FSTL4: variants seen among roughly 807,000 people sequenced by gnomAD.
The protein encoded by FSTL4 is follistatin like 4, also known as follistatin-related protein 4.
A neutral mutation model predicts 78.2 loss-of-function variants in FSTL4; 28 were observed. That is an observed-to-expected ratio of 0.36 (90% confidence interval 0.27 to 0.49). FSTL4 has a LOEUF of 0.49. Ranked by LOEUF, FSTL4 falls within the 20% of genes least tolerant of loss-of-function variation. The probability of loss-of-function intolerance (pLI) is 0.98; values close to 1 mark genes in which losing one functional copy is unlikely to be tolerated. For synonymous variants in FSTL4, 422 were observed against 440.5 expected, an observed-to-expected ratio of 0.96 and a Z score of 0.53; for missense variants, 922 against 1,084.9, an observed-to-expected ratio of 0.85 and a Z score of 2.11.
At chr5:133,688,782 G>A in the FSTL4 span, among the ~76,000 whole-genome samples, 3 of 152,314 alleles carry the variant, frequency 2.0e-5, no homozygotes, top group African/African-American at 7.2e-5. Context: ...CTGATGACCT[G>A]CAAGGTGGAA....
At chr5:133,729,069 C>T in the FSTL4 span, among the ~76,000 whole-genome samples, 1 of 152,116 alleles carries the variant, frequency 6.6e-6, no homozygotes, top group Non-Finnish European at 1.5e-5. Flanking sequence ...CCAGTTCAGC[C>T]ACATGCTGAA....
upstream of FSTL4, among the ~76,000 whole-genome samples, chr5:133,615,415 T>C (rs535420201): frequency 2.6e-5 from 4 of 152,312 alleles, no homozygotes; most frequent in South Asian, 8.3e-4. Flanking sequence ...ATGGGGTCTC[T>C]CTCCCGCCTC....
chr5:133,751,525 A>T, the FSTL4 span, among the ~76,000 whole-genome samples: 1 of 152,232 alleles, frequency 6.6e-6, no homozygotes, highest in Non-Finnish European at 1.5e-5. Context: ...CCCATATAGC[A>T]GGAATTAAAT....
chr5:133,546,881 A>G, intron 3 of FSTL4, among the ~76,000 whole-genome samples: 1 of 152,160 alleles, frequency 6.6e-6, no homozygotes, highest in East Asian at 1.9e-4. Context: ...GTGACATTCA[A>G]GTGGCATCAA....
At chr5:133,575,796 C>T (rs1364648014) in intron 2 of FSTL4, among the ~76,000 whole-genome samples, 1 of 152,188 alleles carries the variant, frequency 6.6e-6, no homozygotes, top group Non-Finnish European at 1.5e-5. Context: ...AGTGCATGGG[C>T]ATTACTTAAT....
chr5:133,616,887 G>A (rs962516027), upstream of FSTL4, among the ~76,000 whole-genome samples: 1 of 152,064 alleles, frequency 6.6e-6, no homozygotes, highest in Non-Finnish European at 1.5e-5. Context: ...CCTGGACCAG[G>A]GCTTTGGACA....
the FSTL4 span, among the ~76,000 whole-genome samples, chr5:133,746,116 A>G: frequency 2.0e-5 from 3 of 152,222 alleles, no homozygotes; most frequent in Admixed American, 6.5e-5. Context: ...TAAGGACTCC[A>G]CTCAGTTGAG....
At chr5:133,354,718 T>C (rs1264769569) in intron 4 of FSTL4, among the ~76,000 whole-genome samples, 2 of 152,240 alleles carry the variant, frequency 1.3e-5, no homozygotes, top group African/African-American at 4.8e-5. Context: ...GCACCAGTCC[T>C]CTAGCTGATG....
chr5:133,226,203 G>A (rs1486585876), intron 8 of FSTL4, among the ~76,000 whole-genome samples: 1 of 152,190 alleles, frequency 6.6e-6, no homozygotes, highest in Non-Finnish European at 1.5e-5. Flanking sequence ...TTGGATAGGG[G>A]TTAATTTCTT....
the FSTL4 span, among the ~76,000 whole-genome samples, chr5:133,678,901 C>T: frequency 2.6e-5 from 4 of 151,888 alleles, no homozygotes; most frequent in Non-Finnish European, 4.4e-5. Flanking sequence ...GGAGGGTGGG[C>T]GTGGCAGGAT....
intron 2 of FSTL4, among the ~76,000 whole-genome samples, chr5:133,592,413 T>C (rs17693958): frequency 0.23 from 35,042 of 152,156 alleles, 4,575 homozygotes; most frequent in East Asian, 0.29. Flanking sequence ...TTTGAATAAA[T>C]TCAGATTTAA....
intron 6 of FSTL4, among the ~76,000 whole-genome samples, chr5:133,294,925 C>T (rs1380633655): frequency 6.6e-6 from 1 of 152,180 alleles, no homozygotes; most frequent in African/African-American, 2.4e-5. Context: ...ACCCTCCAGC[C>T]CTGGTGAAAT....
chr5:133,819,353 C>T, the FSTL4 span, among the ~76,000 whole-genome samples: 4 of 152,106 alleles, frequency 2.6e-5, no homozygotes, highest in Non-Finnish European at 5.9e-5. Flanking sequence ...AATGCCCGGA[C>T]CACCAAGCCT....
intron 4 of FSTL4, among the ~76,000 whole-genome samples, chr5:133,345,955 C>A (rs766827136): frequency 6.6e-6 from 1 of 152,178 alleles, no homozygotes; most frequent in Non-Finnish European, 1.5e-5. Flanking sequence ...ATGTTTATTG[C>A]GCCACTATTC....
At chr5:133,319,471 T>C (rs183201915) in intron 4 of FSTL4, among the ~76,000 whole-genome samples, 1 of 151,950 alleles carries the variant, frequency 6.6e-6, no homozygotes, top group East Asian at 1.9e-4. Flanking sequence ...GAGGAGGAGT[T>C]GTGGGAGGAA....
chr5:133,381,578 C>T (rs915372520), intron 4 of FSTL4, among the ~76,000 whole-genome samples: 3 of 152,144 alleles, frequency 2.0e-5, no homozygotes, highest in Non-Finnish European at 4.4e-5. Flanking sequence ...GGGAGGGGCA[C>T]GAGAGAGGGA....
At chr5:133,692,977 C>T in the FSTL4 span, among the ~76,000 whole-genome samples, 1 of 152,344 alleles carries the variant, frequency 6.6e-6, no homozygotes, top group Non-Finnish European at 1.5e-5. Context: ...ATATTTGAGC[C>T]ACATATATCT....
chr5:133,547,485 A>G (rs1283029479), intron 3 of FSTL4, among the ~76,000 whole-genome samples: 1 of 152,240 alleles, frequency 6.6e-6, no homozygotes, highest in Non-Finnish European at 1.5e-5. Context: ...TGTGTCCCCC[A>G]GAATTCATGT....
At chr5:133,533,972 T>G (rs996533230) in intron 3 of FSTL4, among the ~76,000 whole-genome samples, 7 of 152,120 alleles carry the variant, frequency 4.6e-5, no homozygotes, top group Admixed American at 1.3e-4. Flanking sequence ...GGCCTAATAC[T>G]GTACATTGGG....
Sources: allele counts gnomAD v4.1 joint callset (sites outside exome capture counted in the v4.1 genomes callset), GRCh38; gene constraint gnomAD v4.1.1; transcripts MANE v1.5; gene names NCBI Gene and HGNC (gene_info 2026-07-23, HGNC 2026-07-21).